GNB5: variants seen among roughly 807,000 people sequenced by gnomAD.
GNB5 encodes G protein subunit beta 5.
In GNB5, 37 loss-of-function variants were observed where a neutral mutation model predicts 55.3. The ratio of observed to expected loss-of-function variants is 0.67; its 90% CI spans 0.51 to 0.88. The LOEUF (loss-of-function observed/expected upper bound fraction) is 0.88, where lower values mean the gene tolerates loss of function less well. Ranked by LOEUF, GNB5 falls within the 40% of genes least tolerant of loss-of-function variation. The pLI is 0.00. For missense variants in GNB5, 476 were observed against 515.3 expected, an observed-to-expected ratio of 0.92 and a Z score of 0.74; for synonymous variants, 219 against 198.5, an observed-to-expected ratio of 1.10 and a Z score of -0.87.
At chr15:52,131,906 T>C (rs1456109045) in intron 9 of GNB5, among the ~76,000 whole-genome samples, 4 of 152,216 alleles carry the variant, frequency 2.6e-5, no homozygotes, top group African/African-American at 9.6e-5. Context: ...TCATGGATCC[T>C]GCCACTTACT....
chr15:52,128,823 T>A (rs1176504560), intron 9 of GNB5: 1 of 440,502 alleles, frequency 2.3e-6, no homozygotes, highest in East Asian at 7.1e-5. Flanking sequence ...GCTATAGTCA[T>A]TGTCTTCTCA....
chr15:52,169,128 A>G (rs950750482), intron 3 of GNB5, among the ~76,000 whole-genome samples: 4 of 152,194 alleles, frequency 2.6e-5, no homozygotes, highest in Admixed American at 6.5e-5. Context: ...GTTTGAGACC[A>G]GCCTGGCCAA....
chr15:52,159,617 G>A (rs1363297377), intron 3 of GNB5, among the ~76,000 whole-genome samples: 1 of 152,234 alleles, frequency 6.6e-6, no homozygotes, highest in Non-Finnish European at 1.5e-5. Context: ...AAGAGGAAGT[G>A]TAGGCCAGTG....
chr15:52,124,673 A>T (rs2033375115), intron 11 of GNB5, 34 bp from the exon 12 acceptor site: 1 of 1,588,238 alleles, frequency 6.3e-7, no homozygotes, highest in Admixed American at 1.7e-5. Flanking sequence ...CTGTTAAGCC[A>T]GTTCCTTGCT....
chr15:52,147,710 C>G (rs2034006157), intron 5 of GNB5, among the ~76,000 whole-genome samples, 175 bp from the exon 6 acceptor site: 1 of 152,030 alleles, frequency 6.6e-6, no homozygotes, highest in South Asian at 2.1e-4. Flanking sequence ...TCTCAGCTTC[C>G]TAACTGGGAT....
intron 12 of GNB5, 131 bp downstream of exon 12, chr15:52,124,342 G>C: frequency 1.5e-6 from 1 of 668,600 alleles, no homozygotes; most frequent in Admixed American, 2.9e-5. Flanking sequence ...GGGCAGAGTG[G>C]AAATGAGAGC....
intron 9 of GNB5, 26 bp from the exon 10 acceptor site, chr15:52,128,270 C>A: frequency 6.5e-7 from 1 of 1,531,786 alleles, no homozygotes; most frequent in Non-Finnish European, 9.0e-7. Flanking sequence ...ACTTTATCTA[C>A]GGTTGTGACT....
At chr15:52,166,738 T>C (rs985375296) in intron 3 of GNB5, among the ~76,000 whole-genome samples, 4 of 151,956 alleles carry the variant, frequency 2.6e-5, no homozygotes, top group Non-Finnish European at 4.4e-5. Flanking sequence ...GCTAGAAAGA[T>C]CTCAAATCAA....
rs1027068470 is a variant in GNB5 at position 52,133,231 on chromosome 15, C to G, written c.863+147G>C. On this transcript the variant is annotated intron_variant, in intron 9 of 12. Coordinates refer to ENST00000261837, the MANE Select transcript of GNB5 (RefSeq NM_016194.4). ...TCTCCATGAGTTCTGGAGCACTGTTCAGTTCCACCACAATCAGCCTTTCTT... is the reference window on the plus strand; with the variant it reads ...TCTCCATGAGTTCTGGAGCACTGTTGAGTTCCACCACAATCAGCCTTTCTT... 1.3e-4 allele frequency: 80 copies of G among 598,880 alleles called. 1 individual carries two copies. The highest frequency in any genetic ancestry group is 2.4e-4 in the Admixed American group (8 of 33,352). The allele number at this position is 598,880 out of a possible 1,614,324, so 37.1% of individuals were successfully genotyped here. A position where few individuals can be genotyped will look rare whatever the true frequency, so the allele number is the denominator to read the frequency against.
At chr15:52,177,671 A>G (rs1489626433) in intron 3 of GNB5, among the ~76,000 whole-genome samples, 2 of 152,022 alleles carry the variant, frequency 1.3e-5, no homozygotes, top group East Asian at 3.9e-4. Context: ...AAAAAAGAAA[A>G]GAAAAGTAGA....
In GNB5 at chr15:52,139,862, C is replaced by T. The variant is rs539390246; in HGVS notation, c.627+1278G>A. ...AACCCTGCCCCGGGGCAACACAGAG[C>T]GAGTCTGATGGGTCTCCACAGAGGG... On this transcript the variant is annotated intron_variant, in intron 7 of 12. Transcript: ENST00000261837. The T allele has an allele frequency of 3.0e-5, 38 of 1,286,090 alleles. No individual in the cohort carries two copies. In the East Asian group the frequency reaches 1.2e-3, roughly 41 times the overall value. 79.7% of individuals were successfully genotyped at this position (1,286,090 alleles called of 1,614,324 possible).
At chr15:52,154,186 C>T in intron 3 of GNB5, 110 bp from the exon 4 acceptor site, 1 of 927,866 alleles carries the variant, frequency 1.1e-6, no homozygotes, top group Admixed American at 2.9e-5. Flanking sequence ...CCATGGGCTT[C>T]CTCCATAACA....
chr15:52,156,336 A>T (rs2141217456), intron 3 of GNB5, among the ~76,000 whole-genome samples: 1 of 152,320 alleles, frequency 6.6e-6, no homozygotes, highest in African/African-American at 2.4e-5. Flanking sequence ...CTGTTTCTCC[A>T]TGGAACTAAA....
At chr15:52,137,618 GAA>G (rs1388157846) in intron 7 of GNB5, 2 of 1,120,190 alleles carry the variant, frequency 1.8e-6, no homozygotes, top group Non-Finnish European at 2.2e-6. Context: ...GGTGCCCAGG[GAA>G]AGACATGGGG....
At chr15:52,146,831 C>A (rs1021403564) in intron 6 of GNB5, among the ~76,000 whole-genome samples, 23 of 151,248 alleles carry the variant, frequency 1.5e-4, no homozygotes, top group Non-Finnish European at 1.3e-4. Context: ...GATCCTCCTG[C>A]CTCTGCCTCC....
chr15:52,157,481 T>C (rs2034238017), intron 3 of GNB5, among the ~76,000 whole-genome samples: 1 of 152,020 alleles, frequency 6.6e-6, no homozygotes, highest in African/African-American at 2.4e-5. Flanking sequence ...TCTGACCTCG[T>C]GATCAACCCA....
chr15:52,139,622 G>A (rs996016871), intron 7 of GNB5: 5 of 275,438 alleles, frequency 1.8e-5, no homozygotes, highest in Middle Eastern at 1.4e-3. Flanking sequence ...AATGAAGCAC[G>A]CAGAAATTCA....
intron 2 of GNB5, among the ~76,000 whole-genome samples, chr15:52,181,609 C>CA (rs199750560): frequency 9.2e-4 from 138 of 150,762 alleles, no homozygotes; most frequent in African/African-American, 2.9e-3. Context: ...GAGCAAGACT[C>CA]AAAAAAAACA....
chr15:52,170,565 G>A (rs936258667), intron 3 of GNB5, among the ~76,000 whole-genome samples: 2 of 152,128 alleles, frequency 1.3e-5, no homozygotes, highest in African/African-American at 4.8e-5. Context: ...CATAGCAGGA[G>A]GGACAGCATC....
Sources: gnomAD v4.1 joint callset for allele counts (sites outside exome capture counted in the v4.1 genomes callset) on GRCh38, gnomAD v4.1.1 for gene constraint, MANE v1.5 for transcripts, NCBI Gene and HGNC (gene_info 2026-07-23, HGNC 2026-07-21) for gene names.